The following NPAS3 variants were observed in gnomAD, a reference collection of about 807,000 sequenced individuals.
The protein encoded by NPAS3 is neuronal PAS domain protein 3, also known as neuronal PAS domain-containing protein 3.
Under a neutral mutation model 73.1 loss-of-function variants are expected in NPAS3, and 14 were observed. The observed-to-expected ratio is 0.19, with a 90% CI of 0.13 to 0.30. The LOEUF is 0.30. Among genes scored for constraint, NPAS3 ranks in the 10% least tolerant of loss-of-function variants. The pLI is 1.00. For missense variants in NPAS3, 1,096 were observed against 1,250.0 expected, an observed-to-expected ratio of 0.88 and a Z score of 1.86; for synonymous variants, 620 against 541.5, an observed-to-expected ratio of 1.14 and a Z score of -2.01.
chr14:33,405,923 A>G (rs2047645281), intron 4 of NPAS3, among the ~76,000 whole-genome samples: 1 of 151,946 alleles, frequency 6.6e-6, no homozygotes, highest in South Asian at 2.1e-4. Context: ...GAACCACTTT[A>G]TTTTTGTTTT....
At chr14:33,006,447 A>G (rs903653438) in intron 1 of NPAS3, among the ~76,000 whole-genome samples, 2 of 152,132 alleles carry the variant, frequency 1.3e-5, no homozygotes, top group Admixed American at 6.5e-5. Flanking sequence ...TCCACACAAC[A>G]ACAGCGCTAC....
chr14:33,771,772 C>T (rs1595584632), intron 7 of NPAS3, among the ~76,000 whole-genome samples: 1 of 151,834 alleles, frequency 6.6e-6, no homozygotes, highest in East Asian at 1.9e-4. Context: ...GATCACGCCA[C>T]TAAACTCCAG....
chr14:32,990,067 G>C (rs1256338972), intron 1 of NPAS3, among the ~76,000 whole-genome samples: 1 of 152,192 alleles, frequency 6.6e-6, no homozygotes, highest in East Asian at 1.9e-4. Flanking sequence ...TCAGTACACT[G>C]TGTTTCTATT....
At chr14:33,167,630 T>A (rs2045214768) in intron 2 of NPAS3, among the ~76,000 whole-genome samples, 1 of 152,196 alleles carries the variant, frequency 6.6e-6, no homozygotes, top group Admixed American at 6.5e-5. Flanking sequence ...TATGTATTTA[T>A]AAATGAGATC....
At chr14:33,456,990 T>A (rs1473567675) in intron 4 of NPAS3, among the ~76,000 whole-genome samples, 1 of 152,172 alleles carries the variant, frequency 6.6e-6, no homozygotes, top group African/African-American at 2.4e-5. Context: ...TGAGGTCCAA[T>A]GCAGTCCCAC....
intron 4 of NPAS3, among the ~76,000 whole-genome samples, chr14:33,417,147 A>G (rs2048179827): frequency 6.6e-6 from 1 of 152,060 alleles, no homozygotes; most frequent in Non-Finnish European, 1.5e-5. Flanking sequence ...AAAAATTAGA[A>G]TATGAATCTT....
rs2138686258 is a variant in NPAS3 at position 33,800,202 on chromosome 14, AG to A, written c.1896del (p.Glu632AspfsTer51). ...GGCGGCCTGGACGCGGGCCTGGTGG[AG>A]CCCCCGCGGCTGCTGTCCTCCCCCA... On this transcript the variant is annotated frameshift_variant, in exon 12 of 12. Transcript: ENST00000356141. LOFTEE classifies it high-confidence loss of function. This position sits in a 1 kb window ranked among gnomAD's most constrained non-coding sequence, Gnocchi z 6.5. The A allele has an allele frequency of 6.2e-7, 1 of 1,611,944 alleles. No individual in the cohort carries two copies. The highest frequency in any genetic ancestry group is 8.5e-7 in the Non-Finnish European group (1 of 1,179,472).
At chr14:33,301,150 A>G (rs923652085) in intron 3 of NPAS3, among the ~76,000 whole-genome samples, 7 of 151,400 alleles carry the variant, frequency 4.6e-5, no homozygotes, top group African/African-American at 9.7e-5. Context: ...CTCTGCTGCC[A>G]CTTCTCAACA....
intron 8 of NPAS3, among the ~76,000 whole-genome samples, chr14:33,775,428 G>C (rs2062782342): frequency 6.6e-6 from 1 of 152,296 alleles, no homozygotes. Context: ...TGCCTTCAGA[G>C]GAGAAACTGA....
chr14:33,553,555 T>A (rs528943658), intron 4 of NPAS3, among the ~76,000 whole-genome samples: 1 of 152,328 alleles, frequency 6.6e-6, no homozygotes, highest in Non-Finnish European at 1.5e-5. Context: ...AATTTGGTGT[T>A]GTGATTGGGA....
At chr14:33,045,125 T>G (rs990849634) in intron 1 of NPAS3, among the ~76,000 whole-genome samples, 3 of 152,168 alleles carry the variant, frequency 2.0e-5, no homozygotes, top group African/African-American at 7.2e-5. Context: ...TCCCCTTGCA[T>G]TGGTGAGAAT....
chr14:33,392,821 T>A (rs1049067667), intron 4 of NPAS3, among the ~76,000 whole-genome samples: 1 of 152,104 alleles, frequency 6.6e-6, no homozygotes, highest in African/African-American at 2.4e-5. Flanking sequence ...CCTCTCCCTC[T>A]TTTCCTCCAG....
intron 3 of NPAS3, among the ~76,000 whole-genome samples, chr14:33,357,273 C>T (rs189264084): frequency 5.8e-4 from 89 of 152,332 alleles, no homozygotes; most frequent in African/African-American, 2.1e-3. Flanking sequence ...CATTCAGCAT[C>T]TTAAAACCAA....
At chr14:33,200,371 AAC>A (rs1198210916) in intron 2 of NPAS3, among the ~76,000 whole-genome samples, 1 of 152,144 alleles carries the variant, frequency 6.6e-6, no homozygotes, top group Admixed American at 6.5e-5. Flanking sequence ...TAAAAGCAGA[AAC>A]ACAATCACTC....
At position 33,178,152 on chromosome 14, in the gene NPAS3, G is replaced by A. The variant is rs539771895; in HGVS notation, c.141-37030G>A. On this transcript the variant is annotated intron_variant, in intron 2 of 11. Transcript: ENST00000356141. ...TGCAGTGGTGCGATCTCAGCTCACT[G>A]CAACCTCTGCCTCCTGGGTTCAAGT... Among the ~76,000 whole-genome samples, 155 of 143,338 alleles carry A rather than the reference G, an allele frequency of 1.1e-3. 4 individuals carry two copies. Among genetic ancestry groups the A allele is most frequent in the Admixed American group, 6.9e-4 (9 of 13,134 alleles). The allele number at this position is 143,338 out of a possible 152,430, so 94.0% of individuals were successfully genotyped here.
rs187029675 is a variant in NPAS3 at position 33,772,609 on chromosome 14, C to T, written c.853-1728C>T. Among the ~76,000 whole-genome samples the T allele has an allele frequency of 1.1e-3, 170 of 152,292 alleles. 1 individual carries two copies. The highest frequency in any genetic ancestry group is 3.8e-3 in the African/African-American group (156 of 41,554). On this transcript the variant is annotated intron_variant, in intron 7 of 11. Coordinates refer to ENST00000356141, the Ensembl canonical transcript of NPAS3. ...AAAAAGCTGAGTGTTCCTGATAAAA[C>T]AAGACAGATAATGATAAATGAGCAT... is the stretch of plus-strand genomic sequence containing the variant.
intron 4 of NPAS3, among the ~76,000 whole-genome samples, chr14:33,473,786 T>G (rs1224441406): frequency 6.6e-6 from 1 of 152,176 alleles, no homozygotes; most frequent in Non-Finnish European, 1.5e-5. Context: ...TGCTGCCTGA[T>G]TTTTTTGTAA....
intron 4 of NPAS3, among the ~76,000 whole-genome samples, chr14:33,510,442 C>T (rs535527068): frequency 6.6e-6 from 1 of 152,120 alleles, no homozygotes; most frequent in African/African-American, 2.4e-5. Context: ...TAAATCACTT[C>T]CAGTTCCCAG....
At chr14:33,640,097 A>T (rs1226076773) in intron 5 of NPAS3, among the ~76,000 whole-genome samples, 1 of 152,232 alleles carries the variant, frequency 6.6e-6, no homozygotes, top group East Asian at 1.9e-4. Flanking sequence ...TACGTCCGTA[A>T]TCCCAGCTAC....
Sources: gnomAD v4.1 joint callset for allele counts (sites outside exome capture counted in the v4.1 genomes callset) on GRCh38, gnomAD v4.1.1 for gene constraint, Gnocchi (gnomAD v3.1) non-coding constraint, MANE v1.5 for transcripts, NCBI Gene and HGNC (gene_info 2026-07-23, HGNC 2026-07-21) for gene names.